ZNF385B: variants seen among roughly 807,000 people sequenced by gnomAD.
ZNF385B encodes the protein zinc finger protein 533.
A neutral mutation model predicts 39.2 loss-of-function variants in ZNF385B; 23 were observed. The ratio of observed to expected loss-of-function variants is 0.59; its 90% CI spans 0.42 to 0.83. The LOEUF (loss-of-function observed/expected upper bound fraction) is 0.83, where lower values mean the gene tolerates loss of function less well. Ranked by LOEUF, ZNF385B falls within the 40% of genes least tolerant of loss-of-function variation. ZNF385B has a pLI of 0.00. For missense variants in ZNF385B, 552 were observed against 598.9 expected (o/e 0.92, Z 0.82); for synonymous variants, 205 against 222.6 (o/e 0.92, Z 0.70).
intron 3 of ZNF385B, among the ~76,000 whole-genome samples, chr2:179,727,887 C>A (rs1337433209): frequency 6.6e-6 from 1 of 151,966 alleles, no homozygotes; most frequent in African/African-American, 2.4e-5. Flanking sequence ...CACTGGGTGA[C>A]AAATCATATC....
intron 3 of ZNF385B, among the ~76,000 whole-genome samples, chr2:179,759,174 C>G (rs1367751569): frequency 6.6e-6 from 1 of 152,106 alleles, no homozygotes; most frequent in Non-Finnish European, 1.5e-5. Flanking sequence ...ATGTCAGTCA[C>G]TAGCTATATT....
intron 3 of ZNF385B, among the ~76,000 whole-genome samples, chr2:179,665,637 C>A (rs573467768): frequency 4.6e-5 from 7 of 152,318 alleles, no homozygotes; most frequent in African/African-American, 1.4e-4. Context: ...CACATCTTTG[C>A]ACAACTGGAC....
At chr2:179,571,782 C>A (rs894114414) in intron 3 of ZNF385B, among the ~76,000 whole-genome samples, 1 of 152,048 alleles carries the variant, frequency 6.6e-6, no homozygotes, top group Non-Finnish European at 1.5e-5. Flanking sequence ...TCCAGATCAT[C>A]TCCTGCTTGT....
chr2:179,699,299 A>G (rs1698997568), intron 3 of ZNF385B, among the ~76,000 whole-genome samples: 2 of 152,238 alleles, frequency 1.3e-5, no homozygotes, highest in South Asian at 4.1e-4. Context: ...TTCATTGAGG[A>G]GAAAATTTAA....
At chr2:179,814,081 G>A (rs902942467) in intron 1 of ZNF385B, among the ~76,000 whole-genome samples, 2 of 152,250 alleles carry the variant, frequency 1.3e-5, no homozygotes, top group Non-Finnish European at 2.9e-5. Flanking sequence ...GTGTTACAAA[G>A]TTATGTGAAT....
chr2:179,465,848 T>C (rs1220139415), intron 6 of ZNF385B, among the ~76,000 whole-genome samples: 2 of 152,164 alleles, frequency 1.3e-5, no homozygotes, highest in African/African-American at 4.8e-5. Flanking sequence ...TTATTTGCAC[T>C]TAAAAATTAT....
Position 179,718,498 on chromosome 2 carries a change from A to G in ZNF385B, c.298+51005T>C, listed in dbSNP as rs568922603. On this transcript the variant is annotated intron_variant, in intron 3 of 9. Transcript: ENST00000410066. ...TCATATATATCTTTATATATTATAT[A>G]TAATCATTATATATTATATATATTA... is the stretch of plus-strand genomic sequence containing the variant. Among the ~76,000 whole-genome samples, 4 of 147,912 alleles carry G rather than the reference A, an allele frequency of 2.7e-5. No individual in the cohort carries two copies. The South Asian group carries it at 8.4e-4, about 31-fold the overall frequency.
intron 3 of ZNF385B, among the ~76,000 whole-genome samples, chr2:179,699,476 G>T (rs1699011119): frequency 6.6e-6 from 1 of 152,166 alleles, no homozygotes; most frequent in Non-Finnish European, 1.5e-5. Flanking sequence ...AGACATAATT[G>T]TGGATGTTAC....
chr2:179,704,003 G>C (rs1699403646), intron 3 of ZNF385B, among the ~76,000 whole-genome samples: 1 of 152,192 alleles, frequency 6.6e-6, no homozygotes, highest in Admixed American at 6.5e-5. Context: ...AATCCCAAAA[G>C]TCACAGGCTA....
intron 3 of ZNF385B, among the ~76,000 whole-genome samples, chr2:179,577,128 A>G (rs916820963): frequency 6.6e-6 from 1 of 152,172 alleles, no homozygotes; most frequent in Non-Finnish European, 1.5e-5. Flanking sequence ...GCCCTGTAAC[A>G]TTGGGCTAAT....
chr2:179,584,309 CA>C (rs1159397569), intron 3 of ZNF385B, among the ~76,000 whole-genome samples: 1 of 151,860 alleles, frequency 6.6e-6, no homozygotes, highest in Non-Finnish European at 1.5e-5. Context: ...GTGGGGAGGG[CA>C]AAATAATCCT....
At chr2:179,594,498 A>G (rs917837818) in intron 3 of ZNF385B, among the ~76,000 whole-genome samples, 1 of 152,182 alleles carries the variant, frequency 6.6e-6, no homozygotes, top group African/African-American at 2.4e-5. Flanking sequence ...GTGACTACCT[A>G]TATCTAAGCC....
At chr2:179,760,223 C>CGCGCGCGTGTGTGTGT (rs11282329) in intron 3 of ZNF385B, among the ~76,000 whole-genome samples, 1 of 144,476 alleles carries the variant, frequency 6.9e-6, no homozygotes, top group African/African-American at 2.6e-5. Context: ...TTCCTGTGTG[C>CGCGCGCGTGTGTGTGT]GTGTGTGTGT....
At chr2:179,508,394 C>T (rs2057411688) in intron 5 of ZNF385B, among the ~76,000 whole-genome samples, 1 of 152,112 alleles carries the variant, frequency 6.6e-6, no homozygotes, top group African/African-American at 2.4e-5. Context: ...TAAAGAAATC[C>T]ATACCAAGTA....
At chr2:179,581,317 AG>A (rs1240821402) in intron 3 of ZNF385B, among the ~76,000 whole-genome samples, 7 of 152,232 alleles carry the variant, frequency 4.6e-5, no homozygotes, top group African/African-American at 1.7e-4. Flanking sequence ...AAGGGAAACT[AG>A]TTGTTACATA....
intron 5 of ZNF385B, among the ~76,000 whole-genome samples, chr2:179,501,122 C>A (rs1574474410): frequency 6.6e-6 from 1 of 152,070 alleles, no homozygotes. Flanking sequence ...GAAAAGGGAA[C>A]CCTTGTGCAC....
chr2:179,725,049 T>C (rs1559133119), intron 3 of ZNF385B, among the ~76,000 whole-genome samples: 1 of 152,126 alleles, frequency 6.6e-6, no homozygotes, highest in Non-Finnish European at 1.5e-5. Context: ...ATAAGCATTG[T>C]AATAAATACT....
chr2:179,629,638 G>A (rs1486910317), intron 3 of ZNF385B, among the ~76,000 whole-genome samples: 1 of 152,178 alleles, frequency 6.6e-6, no homozygotes, highest in Non-Finnish European at 1.5e-5. Flanking sequence ...TTCAACTGAG[G>A]TACCTGGTTC....
chr2:179,860,551 A>G (rs1232519066), intron 1 of ZNF385B, among the ~76,000 whole-genome samples: 2 of 152,022 alleles, frequency 1.3e-5, no homozygotes, highest in East Asian at 3.9e-4. Context: ...AGGGCTCCCA[A>G]CAAGTGCAAA....
Sources: allele counts gnomAD v4.1 joint callset (sites outside exome capture counted in the v4.1 genomes callset), GRCh38; gene constraint gnomAD v4.1.1; transcripts MANE v1.5; gene names NCBI Gene and HGNC (gene_info 2026-07-23, HGNC 2026-07-21).